Variants in PFKFB4 observed in about 807,000 individuals in gnomAD.
PFKFB4 encodes the protein 6-phosphofructo-2-kinase/fructose-2,6-bisphosphatase 4.
Under a neutral mutation model 62.8 loss-of-function variants are expected in PFKFB4, and 42 were observed. That is an observed-to-expected ratio of 0.67 (90% CI 0.52 to 0.86). The LOEUF (loss-of-function observed/expected upper bound fraction) is 0.86, where lower values mean the gene tolerates loss of function less well. Among genes scored for constraint, PFKFB4 ranks in the 40% least tolerant of loss-of-function variants. PFKFB4 has a pLI of 0.00. For missense variants in PFKFB4, 475 were observed against 627.2 expected (o/e 0.76, Z 2.59); for synonymous variants, 204 against 240.7 (o/e 0.85, Z 1.41).
chr3:48,559,739 T>G, upstream of PFKFB4: 1 of 398,604 alleles, frequency 2.5e-6, no homozygotes, highest in East Asian at 7.2e-5. Flanking sequence ...CTGGCTGGCC[T>G]GACCCTGGTT....
At chr3:48,557,719 T>C (rs1464071575), upstream of PFKFB4, among the ~76,000 whole-genome samples, 1 of 152,056 alleles carries the variant, frequency 6.6e-6, no homozygotes, top group Non-Finnish European at 1.5e-5. Context: ...GTATTTTTAG[T>C]AGAGGCGGGA....
chr3:48,550,011 C>T (rs1301391410), intron 2 of PFKFB4, 51 bp from the exon 3 acceptor site: 6 of 1,480,838 alleles, frequency 4.1e-6, no homozygotes, highest in Non-Finnish European at 5.7e-6. Context: ...CCCCTACCAA[C>T]CCTGACCTTG....
chr3:48,521,919 G>T lies in PFKFB4; in HGVS notation c.1350+67C>A, dbSNP rs1417939938. The T allele has an allele frequency of 2.3e-6, 3 of 1,305,574 alleles. No individual in the cohort carries two copies. The highest frequency in any genetic ancestry group is 2.3e-5 in the East Asian group (1 of 43,556). The allele number at this position is 1,305,574 out of a possible 1,614,324, so 80.9% of individuals were successfully genotyped here. A position where few individuals can be genotyped will look rare whatever the true frequency, so the allele number is the denominator to read the frequency against. ...TGCCGCAGCTGGGCCTGGCCCTGGA[G>T]GATGTGCAGTCTGGACACCCCCACA... On this transcript the variant is annotated intron_variant, in intron 13 of 13. Coordinates refer to ENST00000232375, the MANE Select transcript of PFKFB4 (RefSeq NM_004567.4). The surrounding 1 kb of genome is among the most constrained non-coding windows in gnomAD (Gnocchi z 5.3).
chr3:48,525,067 G>C (rs2042213883), intron 10 of PFKFB4, among the ~76,000 whole-genome samples: 1 of 152,108 alleles, frequency 6.6e-6, no homozygotes, highest in African/African-American at 2.4e-5. Flanking sequence ...CCCGAGACAG[G>C]GACTCGAGTG....
chr3:48,546,761 T>G (rs555432757), intron 3 of PFKFB4, among the ~76,000 whole-genome samples: 1 of 152,356 alleles, frequency 6.6e-6, no homozygotes, highest in African/African-American at 2.4e-5. Flanking sequence ...ATTATCTGCT[T>G]TCCTTCTGGG....
intron 7 of PFKFB4, among the ~76,000 whole-genome samples, chr3:48,537,856 C>T (rs1380731942): frequency 1.3e-5 from 2 of 152,142 alleles, no homozygotes; most frequent in Non-Finnish European, 2.9e-5. Flanking sequence ...ATTACAGAAC[C>T]TAAGCACAAG....
At chr3:48,529,309 T>A (rs972677348) in intron 9 of PFKFB4, among the ~76,000 whole-genome samples, 1 of 152,148 alleles carries the variant, frequency 6.6e-6, no homozygotes, top group Non-Finnish European at 1.5e-5. Flanking sequence ...TGGATTAAAC[T>A]AAGAAAAAGT....
Position 48,518,188 on chromosome 3 carries a change from C to CT in PFKFB4, c.*1558dup, listed in dbSNP as rs2041976129. On this transcript the variant is annotated 3_prime_UTR_variant, in exon 14 of 14. Transcript: ENST00000232375. ...CTCTGGGTCTAAAGGGCTTGGGGCT[C>CT]TGACAGATGAGTCTGGAAGGATCTT... 6.6e-6 allele frequency: 1 copy of CT among 152,376 alleles called. No homozygotes were observed. The allele number at this position is 152,376 out of a possible 1,614,324, so 9.4% of individuals were successfully genotyped here. A position where few individuals can be genotyped will look rare whatever the true frequency, so the allele number is the denominator to read the frequency against.
chr3:48,540,698 C>T (rs1234481003), intron 4 of PFKFB4, among the ~76,000 whole-genome samples: 1 of 152,198 alleles, frequency 6.6e-6, no homozygotes, highest in East Asian at 1.9e-4. Flanking sequence ...CAGCCTCAAC[C>T]TCCTGGGCTT....
chr3:48,545,792 G>A (rs1248951289), intron 3 of PFKFB4, among the ~76,000 whole-genome samples: 1 of 152,128 alleles, frequency 6.6e-6, no homozygotes, highest in Non-Finnish European at 1.5e-5. Context: ...GTGCCCCAAT[G>A]GGTCTTCCAG....
At chr3:48,519,972 G>T (rs1416562526) in intron 13 of PFKFB4, among the ~76,000 whole-genome samples, 166 bp from the exon 14 acceptor site, 1 of 152,224 alleles carries the variant, frequency 6.6e-6, no homozygotes, top group African/African-American at 2.4e-5. Flanking sequence ...ATGGCCAAGA[G>T]CTTCGTGCCA....
chr3:48,539,467 C>T, intron 5 of PFKFB4, 157 bp from the exon 6 acceptor site: 1 of 742,346 alleles, frequency 1.3e-6, no homozygotes, highest in Non-Finnish European at 2.4e-6. Flanking sequence ...GAGGCGGGGT[C>T]AAGGAGTCCA....
chr3:48,540,090 G>A (rs543280609), intron 4 of PFKFB4, among the ~76,000 whole-genome samples: 2 of 152,360 alleles, frequency 1.3e-5, no homozygotes, highest in African/African-American at 4.8e-5. Flanking sequence ...CACTCAGTTT[G>A]TGTTTGACCA....
Position 48,521,998 on chromosome 3 carries a change from C to T in PFKFB4, c.1338G>A (p.Arg446=). The change falls in exon 13 of 14, where the codon CGG becomes CGA. Residue 446 remains arginine (R), a synonymous_variant. Coordinates refer to ENST00000232375, the MANE Select transcript of PFKFB4 (RefSeq NM_004567.4). The surrounding 1 kb of genome is among the most constrained non-coding windows in gnomAD (Gnocchi z 5.3). ...FLNVAAVNTH[R]DRPQNVDISR... The stretch of plus-strand genomic sequence containing the variant: ...ACCCCATTGCTACCTGAGGCCTGTC[C>T]CGGTGCGTGTTCACAGCAGCCACGT... 6.2e-7 allele frequency: 1 copy of T among 1,614,068 alleles called. No individual in the cohort carries two copies. The highest frequency in any genetic ancestry group is 2.2e-5 in the East Asian group (1 of 44,884).
Position 48,549,799 on chromosome 3 carries a change from T to C in PFKFB4, c.311+65A>G. 3 of 964,876 alleles carry C rather than the reference T, an allele frequency of 3.1e-6. No homozygotes were observed. In the South Asian group the frequency reaches 3.9e-5, roughly 12 times the overall value. The allele number at this position is 964,876 out of a possible 1,614,324, so 59.8% of individuals were successfully genotyped here. A position where few individuals can be genotyped will look rare whatever the true frequency, so the allele number is the denominator to read the frequency against. ...GCTTCTCAGTAAATGGTCAGTAATG[T>C]GTTAGCTTTCTCCACACTGGGTCCC... is the stretch of plus-strand genomic sequence containing the variant. On this transcript the variant is annotated intron_variant, in intron 3 of 13. Transcript: ENST00000232375.
rs1348242359 is a variant in PFKFB4, at chr3:48,523,833, G to A, written c.1093-3C>T. 1.2e-6 allele frequency: 2 copies of A among 1,613,150 alleles called. No homozygotes were observed. Among genetic ancestry groups the A allele is most frequent in the East Asian group, 2.2e-5 (1 of 44,886 alleles). On this transcript the variant is annotated splice_region_variant and splice_polypyrimidine_tract_variant and intron_variant, in intron 10 of 13. Transcript: ENST00000232375. ...CTCTGGACCAGGTCCTCGTAGGACT[G>A]CAAGGGCAAGCAGAGAGGGGTCCCT...
intron 3 of PFKFB4, among the ~76,000 whole-genome samples, chr3:48,545,877 A>G (rs1002024486): frequency 6.6e-6 from 1 of 152,180 alleles, no homozygotes; most frequent in African/African-American, 2.4e-5. Context: ...TGGCATTGGT[A>G]GGGACATTTC....
rs2043093269 is a variant in PFKFB4, at chr3:48,550,174, G to C, written c.158C>G (p.Thr53Ser). Residue 53 changes from threonine to serine, a missense_variant, in exon 2 of 14, where the codon ACC (threonine) becomes AGC (serine). Coordinates refer to ENST00000232375, the MANE Select transcript of PFKFB4 (RefSeq NM_004567.4). The part of the protein sequence containing the change: ...VMVGLPARGK[T>S]YISKKLTRYL... Reference sequence around the variant, plus strand: ...TCGAGTCAGCTTCTTGGAGATGTAGGTCTTGCCCCTGGCGGGCAGGCCCAC... The same window carrying C: ...TCGAGTCAGCTTCTTGGAGATGTAGCTCTTGCCCCTGGCGGGCAGGCCCAC... 1 of 1,614,092 alleles carries C rather than the reference G, an allele frequency of 6.2e-7. No individual in the cohort carries two copies. The highest frequency in any genetic ancestry group is 1.3e-5 in the African/African-American group (1 of 74,942).
At chr3:48,528,802 T>C (rs1165513037) in intron 9 of PFKFB4, among the ~76,000 whole-genome samples, 5 of 152,336 alleles carry the variant, frequency 3.3e-5, no homozygotes, top group Middle Eastern at 6.8e-3. Context: ...TAATAGGATG[T>C]TATTTGGCAA....
Sources: allele counts gnomAD v4.1 joint callset (sites outside exome capture counted in the v4.1 genomes callset), GRCh38; gene constraint gnomAD v4.1.1; non-coding constraint Gnocchi (gnomAD v3.1); transcripts MANE v1.5; gene names NCBI Gene and HGNC (gene_info 2026-07-23, HGNC 2026-07-21).